The following MARK3 variants were observed in gnomAD, a reference collection of about 807,000 sequenced individuals.
The protein encoded by MARK3 is microtubule affinity regulating kinase 3.
In MARK3, 46 loss-of-function variants were observed where a neutral mutation model predicts 90.1. That is an observed-to-expected ratio of 0.51 (90% CI 0.40 to 0.65). The LOEUF (loss-of-function observed/expected upper bound fraction) is 0.65. MARK3 is among the 30% of genes least tolerant of loss of function. The pLI is 0.00. For missense variants in MARK3, 818 were observed against 947.2 expected, an observed-to-expected ratio of 0.86 and a Z score of 1.79; for synonymous variants, 321 against 332.6, an observed-to-expected ratio of 0.97 and a Z score of 0.38.
intron 1 of MARK3, among the ~76,000 whole-genome samples, chr14:103,393,227 A>G (rs2090374458): frequency 6.6e-6 from 1 of 151,826 alleles, no homozygotes; most frequent in African/African-American, 2.4e-5. Context: ...TGATCCTCCC[A>G]CTTCCCTCCT....
intron 14 of MARK3, among the ~76,000 whole-genome samples, chr14:103,483,640 G>A (rs1003529809): frequency 7.9e-5 from 12 of 152,308 alleles, no homozygotes; most frequent in South Asian, 4.1e-4. Flanking sequence ...GCATAGGTTA[G>A]GGCCAGTTGT....
At chr14:103,457,494 C>T (rs955137111) in intron 6 of MARK3, among the ~76,000 whole-genome samples, 2 of 152,132 alleles carry the variant, frequency 1.3e-5, no homozygotes, top group African/African-American at 4.8e-5. Flanking sequence ...TTCAAAAACA[C>T]CTGTGATTAC....
intron 3 of MARK3, among the ~76,000 whole-genome samples, chr14:103,442,861 G>A (rs1246408031): frequency 6.6e-6 from 1 of 151,474 alleles, no homozygotes; most frequent in Non-Finnish European, 1.5e-5. Flanking sequence ...AAATAATAAT[G>A]TAAGGAGTCA....
chr14:103,473,929 G>A (rs1233354579), intron 12 of MARK3, among the ~76,000 whole-genome samples: 1 of 151,696 alleles, frequency 6.6e-6, no homozygotes, highest in African/African-American at 2.4e-5. Flanking sequence ...GGGCGCAGTA[G>A]CTCATGCCTG....
Position 103,481,757 on chromosome 14 carries a change from C to CTTTTTTTTTTTT in MARK3, c.1586+1283_1586+1294dup, listed in dbSNP as rs71126030. Among the ~76,000 whole-genome samples, 201 of 49,804 alleles carry CTTTTTTTTTTTT rather than the reference C, an allele frequency of 4.0e-3. 50 individuals carry two copies. The highest frequency in any genetic ancestry group is 6.0e-3 in the East Asian group (8 of 1,336). 32.7% of individuals were successfully genotyped at this position (49,804 alleles called of 152,430 possible). ...CAGATAATGATTGATATAGGTATTTCTTTTTTTTTTTTTTTTTTTTTTTTT... is the reference window on the plus strand; with the variant it reads ...CAGATAATGATTGATATAGGTATTTCTTTTTTTTTTTTTTTTTTTTTTTTTTTTTTTTTTTTT... On this transcript the variant is annotated intron_variant, in intron 14 of 17. Transcript: ENST00000429436.
At chr14:103,493,086 C>G (rs1398137395) in intron 15 of MARK3, among the ~76,000 whole-genome samples, 1 of 152,112 alleles carries the variant, frequency 6.6e-6, no homozygotes, top group East Asian at 1.9e-4. Context: ...TCTGCATTCC[C>G]TATGGCCTAT....
chr14:103,415,150 CAAAAAAAAAAAA>C (rs34245934), intron 2 of MARK3, among the ~76,000 whole-genome samples: 1 of 37,708 alleles, frequency 2.7e-5, no homozygotes, highest in African/African-American at 9.9e-5. Flanking sequence ...GACCTTGTCT[CAAAAAAAAAAAA>C]AAAAAAAAAA....
At chr14:103,439,972 A>G (rs773981882) in intron 3 of MARK3, among the ~76,000 whole-genome samples, 15 of 151,534 alleles carry the variant, frequency 9.9e-5, no homozygotes, top group Non-Finnish European at 1.5e-4. Flanking sequence ...TTTAGTAGAG[A>G]CGGGTTTTCA....
At chr14:103,460,103 T>TTTTTTTTTTTTTG (rs1338684666) in intron 6 of MARK3, among the ~76,000 whole-genome samples, 1 of 110,410 alleles carries the variant, frequency 9.1e-6, no homozygotes, top group African/African-American at 3.7e-5. Flanking sequence ...TTTTTTTTTT[T>TTTTTTTTTTTTTG]TGAGACAAAT....
chr14:103,482,006 T>C (rs1031161997), intron 14 of MARK3, among the ~76,000 whole-genome samples: 1 of 151,114 alleles, frequency 6.6e-6, no homozygotes, highest in Non-Finnish European at 1.5e-5. Flanking sequence ...GACCTTGTGA[T>C]CCACCCACCT....
chr14:103,399,684 AGT>A (rs2090824726), intron 1 of MARK3, among the ~76,000 whole-genome samples: 1 of 139,716 alleles, frequency 7.2e-6, no homozygotes, highest in Non-Finnish European at 1.5e-5. Flanking sequence ...GGGGCAACAG[AGT>A]GAGACTCCAT....
intron 1 of MARK3, among the ~76,000 whole-genome samples, chr14:103,395,985 G>A (rs2010281): frequency 0.26 from 39,280 of 152,042 alleles, 6,264 homozygotes; most frequent in Middle Eastern, 0.44. Flanking sequence ...AGGCAAGCAC[G>A]GAATGCCCAT....
At chr14:103,497,512 T>A (rs571482082) in intron 15 of MARK3, among the ~76,000 whole-genome samples, 1 of 152,346 alleles carries the variant, frequency 6.6e-6, no homozygotes, top group South Asian at 2.1e-4. Flanking sequence ...CCTGCACATC[T>A]CCTTAAATTT....
chr14:103,438,852 G>A (rs2092779922), intron 3 of MARK3, among the ~76,000 whole-genome samples: 2 of 152,028 alleles, frequency 1.3e-5, no homozygotes, highest in South Asian at 4.1e-4. Context: ...GCCAGATGTG[G>A]TGGTGCGCAC....
At chr14:103,411,891 G>A (rs902728194) in intron 2 of MARK3, among the ~76,000 whole-genome samples, 6 of 151,212 alleles carry the variant, frequency 4.0e-5, no homozygotes, top group African/African-American at 1.5e-4. Context: ...AAAGTGCTGG[G>A]ATTACAGGTG....
intron 14 of MARK3, among the ~76,000 whole-genome samples, chr14:103,486,065 CAGG>C (rs767430970): frequency 7.8e-4 from 118 of 152,218 alleles, no homozygotes; most frequent in Non-Finnish European, 1.5e-3. Context: ...GAGGCCATGA[CAGG>C]AGGATTGCTT....
At chr14:103,484,241 G>A (rs1319350078) in intron 14 of MARK3, among the ~76,000 whole-genome samples, 1 of 150,578 alleles carries the variant, frequency 6.6e-6, no homozygotes, top group Admixed American at 6.7e-5. Flanking sequence ...GCAATGGCAC[G>A]ATCTCGGGTC....
intron 7 of MARK3, among the ~76,000 whole-genome samples, chr14:103,464,942 A>G (rs772920235): frequency 6.6e-6 from 1 of 151,580 alleles, no homozygotes; most frequent in Non-Finnish European, 1.5e-5. Context: ...CAAGTGAGCC[A>G]CTGTACCTGG....
At chr14:103,452,549 G>A (rs1399699857) in intron 5 of MARK3, among the ~76,000 whole-genome samples, 5 of 139,766 alleles carry the variant, frequency 3.6e-5, no homozygotes, top group Non-Finnish European at 7.7e-5. Context: ...TCGGCTCACT[G>A]CAAGCTCCGC....
Sources: gnomAD v4.1 joint callset for allele counts (sites outside exome capture counted in the v4.1 genomes callset) on GRCh38, gnomAD v4.1.1 for gene constraint, MANE v1.5 for transcripts, NCBI Gene and HGNC (gene_info 2026-07-23, HGNC 2026-07-21) for gene names.